The following MCC variants were observed in gnomAD, a reference collection of about 807,000 sequenced individuals.
The protein encoded by MCC is MCC regulator of Wnt signaling pathway.
In MCC, 90 loss-of-function variants were observed where a neutral mutation model predicts 116.2. That is an observed-to-expected ratio of 0.77 (90% CI 0.65 to 0.92). MCC has a LOEUF of 0.92. MCC is among the 40% of genes least tolerant of loss of function. The probability of loss-of-function intolerance (pLI) is 0.00; values close to 1 mark genes in which losing one functional copy is unlikely to be tolerated. For synonymous variants in MCC, 578 were observed against 510.5 expected (o/e 1.13, Z -1.78); for missense variants, 1,516 against 1,312.2 (o/e 1.16, Z -2.40).
At chr5:113,426,769 A>G (rs1424142173) in intron 1 of MCC, among the ~76,000 whole-genome samples, 1 of 152,190 alleles carries the variant, frequency 6.6e-6, no homozygotes, top group African/African-American at 2.4e-5. Context: ...TGCCTAACCA[A>G]TGGGCCTTCC....
intron 1 of MCC, among the ~76,000 whole-genome samples, chr5:113,388,509 G>T (rs576131159): frequency 6.6e-6 from 1 of 152,064 alleles, no homozygotes; most frequent in South Asian, 2.1e-4. Flanking sequence ...CCATCCCCTT[G>T]GTGATGAGTG....
intron 3 of MCC, among the ~76,000 whole-genome samples, chr5:113,202,655 C>G (rs1762733592): frequency 6.6e-6 from 1 of 152,098 alleles, no homozygotes; most frequent in Non-Finnish European, 1.5e-5. Flanking sequence ...TCAAACAACA[C>G]ATAATTAGCC....
intron 3 of MCC, among the ~76,000 whole-genome samples, chr5:113,195,792 T>C (rs1289080454): frequency 6.6e-6 from 1 of 152,190 alleles, no homozygotes; most frequent in Admixed American, 6.5e-5. Flanking sequence ...AAATCTTTGG[T>C]GGCAGTGCCC....
chr5:113,433,616 A>T, intron 1 of MCC: 1 of 1,250,908 alleles, frequency 8.0e-7, no homozygotes, highest in Middle Eastern at 2.3e-4. Context: ...GAGAGAGAAG[A>T]AGCTGATGAA....
intron 3 of MCC, among the ~76,000 whole-genome samples, chr5:113,236,377 A>G (rs1378016697): frequency 6.6e-6 from 1 of 152,212 alleles, no homozygotes; most frequent in Non-Finnish European, 1.5e-5. Context: ...GACCAGAGAA[A>G]GGCAGTATCG....
chr5:113,147,154 T>C (rs1759573075), intron 4 of MCC, among the ~76,000 whole-genome samples: 1 of 152,230 alleles, frequency 6.6e-6, no homozygotes, highest in Non-Finnish European at 1.5e-5. Context: ...AACATGCATA[T>C]AAATACTTGT....
chr5:113,028,604 G>T (rs569279870), intron 18 of MCC, among the ~76,000 whole-genome samples: 4 of 152,060 alleles, frequency 2.6e-5, no homozygotes, highest in Non-Finnish European at 5.9e-5. Flanking sequence ...AATTTTGTTT[G>T]GAAAATACTG....
intron 3 of MCC, among the ~76,000 whole-genome samples, chr5:113,165,597 C>G (rs529441055): frequency 6.6e-6 from 1 of 152,262 alleles, no homozygotes; most frequent in African/African-American, 2.4e-5. Flanking sequence ...CTGTGACACC[C>G]TTGAAAGAGA....
intron 1 of MCC, among the ~76,000 whole-genome samples, chr5:113,418,953 A>C (rs1770238739): frequency 6.6e-6 from 1 of 152,134 alleles, no homozygotes; most frequent in East Asian, 1.9e-4. Context: ...CCAAAGAGGG[A>C]TGCGTACTTG....
chr5:113,265,659 G>A (rs1252056185), intron 3 of MCC, among the ~76,000 whole-genome samples: 1 of 152,098 alleles, frequency 6.6e-6, no homozygotes, highest in Non-Finnish European at 1.5e-5. Flanking sequence ...GAACTGGAGG[G>A]CTACACAGAG....
chr5:113,139,544 A>G (rs1404749345), intron 5 of MCC, among the ~76,000 whole-genome samples: 1 of 152,162 alleles, frequency 6.6e-6, no homozygotes, highest in Non-Finnish European at 1.5e-5. Context: ...CAAATCAAAA[A>G]CACAACAAAA....
rs140219030 is a variant in MCC at position 113,040,640 on chromosome 5, A to G, written c.2756+2890T>C. ...CATCAAGGTATATAATACAAACCCA[A>G]ACTGCAGCCCTGAGGTGTGTATATT... On this transcript the variant is annotated intron_variant, in intron 17 of 18. Transcript: ENST00000408903. 3.7e-3 allele frequency among the ~76,000 whole-genome samples: 568 copies of G among 152,260 alleles called. 8 individuals carry two copies. Among genetic ancestry groups the G allele is most frequent in the African/African-American group, 0.012 (512 of 41,542 alleles).
intron 3 of MCC, among the ~76,000 whole-genome samples, chr5:113,165,094 G>A (rs1760699403): frequency 6.6e-6 from 1 of 152,256 alleles, no homozygotes; most frequent in Non-Finnish European, 1.5e-5. Context: ...GGGCCTGTGA[G>A]TGTTTTGCAA....
At chr5:113,084,707 G>T (rs1368411371) in intron 9 of MCC, among the ~76,000 whole-genome samples, 1 of 152,148 alleles carries the variant, frequency 6.6e-6, no homozygotes, top group Admixed American at 6.5e-5. Flanking sequence ...TGAGTCAGTG[G>T]GGCTACTTCT....
At chr5:113,083,154 A>T in intron 10 of MCC, 146 bp from the exon 11 acceptor site, 2 of 690,456 alleles carry the variant, frequency 2.9e-6, no homozygotes, top group Non-Finnish European at 4.7e-6. Context: ...TGTAGGATAG[A>T]ATCCTAGTAT....
At chr5:113,468,817 T>A (rs1771992578) in intron 1 of MCC, among the ~76,000 whole-genome samples, 1 of 152,198 alleles carries the variant, frequency 6.6e-6, no homozygotes, top group Non-Finnish European at 1.5e-5. Flanking sequence ...GGTCCTGGAC[T>A]TTTTTTGGTT....
Position 113,046,710 on chromosome 5 carries a change from A to AAAAAAAAAAAAAAAAAAAAAAAAAAAG in MCC, c.2655+2382_2655+2383insCTTTTTTTTTTTTTTTTTTTTTTTTTT. On this transcript the variant is annotated intron_variant, in intron 16 of 18. Transcript: ENST00000408903. Reference sequence around the variant, plus strand: ...CAAAAAAAAAAAAAAAAAAAAAAAAAAGAGAGAGATTTTGAAGGTGTTTGT... The same window carrying AAAAAAAAAAAAAAAAAAAAAAAAAAAG: ...CAAAAAAAAAAAAAAAAAAAAAAAAAAAAAAAAAAAAAAAAAAAAAAAAAAAGAGAGAGAGATTTTGAAGGTGTTTGT... 1.2e-3 allele frequency among the ~76,000 whole-genome samples: 118 copies of AAAAAAAAAAAAAAAAAAAAAAAAAAAG among 102,454 alleles called. 19 individuals carry two copies. The highest frequency in any genetic ancestry group is 1.6e-3 in the Non-Finnish European group (84 of 51,340). The allele number at this position is 102,454 out of a possible 152,430, so 67.2% of individuals were successfully genotyped here.
intron 4 of MCC, among the ~76,000 whole-genome samples, chr5:113,145,764 A>C (rs1033871898): frequency 8.5e-5 from 6 of 70,670 alleles, no homozygotes; most frequent in East Asian, 4.6e-4. Context: ...ACACACACAC[A>C]CACACACACA....
At chr5:113,319,881 C>G (rs1474769380) in intron 3 of MCC, among the ~76,000 whole-genome samples, 1 of 152,218 alleles carries the variant, frequency 6.6e-6, no homozygotes, top group Non-Finnish European at 1.5e-5. Context: ...GTTCTTAGTG[C>G]CTTGCCTACT....
Sources: allele counts gnomAD v4.1 joint callset (sites outside exome capture counted in the v4.1 genomes callset), GRCh38; gene constraint gnomAD v4.1.1; transcripts MANE v1.5; gene names NCBI Gene and HGNC (gene_info 2026-07-23, HGNC 2026-07-21).